Variants in SGK3 observed in about 807,000 individuals in gnomAD.
SGK3 encodes serum/glucocorticoid regulated kinase family member 3.
In SGK3, 47 loss-of-function variants were observed where a neutral mutation model predicts 68.5. The ratio of observed to expected loss-of-function variants is 0.69; its 90% CI spans 0.54 to 0.87. The LOEUF (loss-of-function observed/expected upper bound fraction) is 0.87, where lower values mean the gene tolerates loss of function less well. SGK3 is among the 40% of genes least tolerant of loss of function. The probability of loss-of-function intolerance (pLI) is 0.00; values close to 1 mark genes in which losing one functional copy is unlikely to be tolerated. For missense variants in SGK3, 479 were observed against 575.5 expected, an observed-to-expected ratio of 0.83 and a Z score of 1.72; for synonymous variants, 181 against 189.1, an observed-to-expected ratio of 0.96 and a Z score of 0.35.
At chr8:66,767,527 T>C (rs751233164) in intron 1 of SGK3, 1 of 1,513,512 alleles carries the variant, frequency 6.6e-7, no homozygotes, top group African/African-American at 1.4e-5. Flanking sequence ...GGGGCCCAGC[T>C]GAAACAGCTT....
chr8:66,841,483 A>C lies in SGK3; in HGVS notation c.978+373A>C, dbSNP rs542428757. On this transcript the variant is annotated intron_variant, in intron 13 of 16. Coordinates refer to ENST00000521198, the MANE Select transcript of SGK3 (RefSeq NM_001033578.3). ...TTTAAAAATCACAAATCAGTGATGA[A>C]AGTGTTCTTTCTGTGACTATGTTAA... Among the ~76,000 whole-genome samples the C allele has an allele frequency of 1.2e-4, 19 of 152,316 alleles. 1 individual carries two copies. The East Asian group carries it at 3.7e-3, about 29-fold the overall frequency.
intron 1 of SGK3, among the ~76,000 whole-genome samples, chr8:66,770,562 A>AG (rs1292648064): frequency 6.6e-6 from 1 of 152,186 alleles, no homozygotes; most frequent in Non-Finnish European, 1.5e-5. Flanking sequence ...AGTCTAAGTA[A>AG]GGTAAGACTC....
intron 1 of SGK3, among the ~76,000 whole-genome samples, chr8:66,758,542 A>C (rs1806057376): frequency 6.6e-6 from 1 of 152,138 alleles, no homozygotes; most frequent in African/African-American, 2.4e-5. Context: ...ATATCTCTCT[A>C]TATCTATATA....
At chr8:66,852,900 A>G (rs1810351970) in intron 16 of SGK3, among the ~76,000 whole-genome samples, 1 of 152,232 alleles carries the variant, frequency 6.6e-6, no homozygotes, top group Admixed American at 6.5e-5. Flanking sequence ...TCAAATAAAT[A>G]TATCATCAAG....
intron 1 of SGK3, among the ~76,000 whole-genome samples, chr8:66,742,929 C>T (rs1054841426): frequency 3.3e-5 from 5 of 152,146 alleles, no homozygotes; most frequent in Admixed American, 1.3e-4. Context: ...ATGCCTTTAG[C>T]GCACACTTTG....
At chr8:66,819,444 T>G (rs1396766390) in intron 5 of SGK3, among the ~76,000 whole-genome samples, 3 of 152,242 alleles carry the variant, frequency 2.0e-5, no homozygotes, top group Non-Finnish European at 4.4e-5. Flanking sequence ...GCATTGTTTA[T>G]GGTAATGAAA....
intron 2 of SGK3, among the ~76,000 whole-genome samples, chr8:66,796,607 T>G (rs1191210290): frequency 6.6e-6 from 1 of 152,104 alleles, no homozygotes; most frequent in African/African-American, 2.4e-5. Flanking sequence ...CTTGATAATA[T>G]TTTTATACTC....
At chr8:66,742,315 T>G (rs1805504987) in intron 1 of SGK3, among the ~76,000 whole-genome samples, 1 of 152,242 alleles carries the variant, frequency 6.6e-6, no homozygotes. Context: ...TTTGGTTCAC[T>G]GAACACCTAT....
intron 13 of SGK3, among the ~76,000 whole-genome samples, chr8:66,842,414 G>T (rs1019930378): frequency 6.6e-6 from 1 of 151,832 alleles, no homozygotes; most frequent in African/African-American, 2.4e-5. Context: ...TAGAGACGGG[G>T]TTTCACCGTG....
At chr8:66,839,498 GATATATATATATATATATATATATAT>G (rs58832541) in intron 10 of SGK3, among the ~76,000 whole-genome samples, 795 of 41,568 alleles carry the variant, frequency 0.019, 40 homozygotes, top group East Asian at 0.057. Flanking sequence ...TATGTATGGA[GATATATATATATATATATATATATAT>G]ATATATATAT....
At chr8:66,737,510 T>G (rs1468427872) in intron 1 of SGK3, 1 of 152,254 alleles carries the variant, frequency 6.6e-6, no homozygotes, top group African/African-American at 2.4e-5. Flanking sequence ...TTCTTTGGCC[T>G]ACACTAGCTC....
intron 1 of SGK3, chr8:66,737,540 A>T (rs1047108828): frequency 1.3e-5 from 2 of 150,474 alleles, no homozygotes; most frequent in Non-Finnish European, 2.9e-5. Flanking sequence ...GATTAAGGCT[A>T]CTCTTCAGGC....
intron 1 of SGK3, among the ~76,000 whole-genome samples, chr8:66,760,650 A>G (rs1310501342): frequency 1.3e-5 from 2 of 152,006 alleles, no homozygotes; most frequent in Non-Finnish European, 2.9e-5. Flanking sequence ...TTCATTTTCA[A>G]GAAAGTGTCT....
intron 1 of SGK3, among the ~76,000 whole-genome samples, chr8:66,718,120 G>C (rs937832664): frequency 6.6e-6 from 1 of 151,898 alleles, no homozygotes; most frequent in African/African-American, 2.4e-5. Context: ...CCGCCTTTGG[G>C]GTTCAAGCGA....
At chr8:66,845,169 C>T (rs1809956339) in intron 14 of SGK3, among the ~76,000 whole-genome samples, 1 of 152,192 alleles carries the variant, frequency 6.6e-6, no homozygotes, top group African/African-American at 2.4e-5. Flanking sequence ...GAGGCCAAGG[C>T]AGGCAGATCA....
intron 2 of SGK3, among the ~76,000 whole-genome samples, chr8:66,795,195 A>G (rs538857771): frequency 3.9e-5 from 6 of 152,288 alleles, no homozygotes; most frequent in African/African-American, 1.4e-4. Flanking sequence ...AGTGCCGGAA[A>G]ATGATGGTTT....
At chr8:66,825,087 A>G (rs1045072398) in intron 6 of SGK3, among the ~76,000 whole-genome samples, 4 of 152,172 alleles carry the variant, frequency 2.6e-5, no homozygotes, top group African/African-American at 7.2e-5. Flanking sequence ...TTTGAAGCCT[A>G]TCTTGCCTTG....
At chr8:66,799,699 G>A (rs1807851835) in intron 3 of SGK3, among the ~76,000 whole-genome samples, 1 of 152,164 alleles carries the variant, frequency 6.6e-6, no homozygotes, top group Admixed American at 6.5e-5. Flanking sequence ...TTGGCTCACT[G>A]CAACCTCTGC....
chr8:66,750,949 G>A (rs1237060354), intron 1 of SGK3, among the ~76,000 whole-genome samples: 2 of 151,294 alleles, frequency 1.3e-5, no homozygotes, highest in African/African-American at 4.9e-5. Context: ...AGAGGTTTCC[G>A]TGAGCCAAGA....
Sources: gnomAD v4.1 joint callset for allele counts (sites outside exome capture counted in the v4.1 genomes callset) on GRCh38, gnomAD v4.1.1 for gene constraint, MANE v1.5 for transcripts, NCBI Gene and HGNC (gene_info 2026-07-23, HGNC 2026-07-21) for gene names.